GDE1: variants seen among roughly 807,000 people sequenced by gnomAD.
The protein encoded by GDE1 is glycerophosphodiester phosphodiesterase 1.
A neutral mutation model predicts 32.2 loss-of-function variants in GDE1; 24 were observed. The ratio of observed to expected loss-of-function variants is 0.75; its 90% CI spans 0.54 to 1.05. The LOEUF is 1.05. GDE1 is among the 50% of genes least tolerant of loss of function. GDE1 has a pLI of 0.00. For synonymous variants in GDE1, 159 were observed against 158.6 expected, an observed-to-expected ratio of 1.00 and a Z score of -0.02; for missense variants, 380 against 415.0, an observed-to-expected ratio of 0.92 and a Z score of 0.73.
At chr16:19,509,956 T>A (rs1484027825) in intron 3 of GDE1, among the ~76,000 whole-genome samples, 1 of 152,070 alleles carries the variant, frequency 6.6e-6, no homozygotes, top group Non-Finnish European at 1.5e-5. Context: ...CGGCCCATTT[T>A]GGGTTTTAAC....
At chr16:19,514,085 T>G (rs1969351547) in intron 2 of GDE1, among the ~76,000 whole-genome samples, 1 of 133,202 alleles carries the variant, frequency 7.5e-6, no homozygotes, top group Non-Finnish European at 1.5e-5. Flanking sequence ...TTTCTGTTTT[T>G]TGTTTTGTTT....
rs1385620252 is a variant in GDE1, at chr16:19,502,543, A to G, written c.*927T>C. The G allele has an allele frequency of 6.6e-6, 1 of 151,756 alleles. No individual in the cohort carries two copies. The highest frequency in any genetic ancestry group is 1.5e-5 in the Non-Finnish European group (1 of 67,964). 9.4% of individuals were successfully genotyped at this position (151,756 alleles called of 1,614,324 possible). On this transcript the variant is annotated 3_prime_UTR_variant, in exon 6 of 6. Transcript: ENST00000353258. The stretch of plus-strand genomic sequence containing the variant: ...GCTGGGAATACAGGCATGCACCACC[A>G]TGCCTAATTTTTTAGAGATGGGGTC...
chr16:19,508,911 T>C (rs890237535), intron 3 of GDE1, among the ~76,000 whole-genome samples: 1 of 152,256 alleles, frequency 6.6e-6, no homozygotes, highest in African/African-American at 2.4e-5. Flanking sequence ...TAGGTCACTA[T>C]GTTCTACCCA....
chr16:19,521,828 C>A lies in GDE1; in HGVS notation c.137G>T (p.Ser46Ile), dbSNP rs764988589. Residue 46 changes from serine to isoleucine, a missense_variant, in exon 1 of 6, where the codon AGC (serine) becomes ATC (isoleucine). Physicochemically the swap from Ser to Ile is moderately radical, Grantham distance 142. Coordinates refer to ENST00000353258, the MANE Select transcript of GDE1 (RefSeq NM_016641.4). ...CCTGCAAGAGGGCACCGGCTCAAAG[C>A]TGAAGACGCGCAGTAGAACGAAGAG... ...GSLFVLLRVF[S>I]FEPVPSCRAL... is the part of the protein sequence containing the mutation. The A allele has an allele frequency of 6.2e-7, 1 of 1,610,912 alleles. No individual in the cohort carries two copies. Among genetic ancestry groups the A allele is most frequent in the South Asian group, 1.1e-5 (1 of 90,460 alleles).
intron 4 of GDE1, among the ~76,000 whole-genome samples, chr16:19,505,532 A>T (rs1969235683): frequency 6.6e-6 from 1 of 151,952 alleles, no homozygotes; most frequent in Non-Finnish European, 1.5e-5. Context: ...TGTAGGGGTG[A>T]GGAGGGGGAT....
intron 4 of GDE1, among the ~76,000 whole-genome samples, chr16:19,507,070 T>G (rs887395940): frequency 1.3e-5 from 2 of 151,792 alleles, no homozygotes. Flanking sequence ...GCCTGGAAGG[T>G]CAAGAGTGCA....
chr16:19,507,641 C>A, intron 4 of GDE1, 46 bp downstream of exon 4: 1 of 951,094 alleles, frequency 1.1e-6, no homozygotes, highest in South Asian at 1.3e-5. Flanking sequence ...TTGCAATTAT[C>A]TACACCAGCT....
intron 1 of GDE1, among the ~76,000 whole-genome samples, chr16:19,520,998 T>C (rs1969446419): frequency 1.3e-5 from 2 of 152,116 alleles, no homozygotes; most frequent in African/African-American, 4.8e-5. Flanking sequence ...GAAAAGGTGA[T>C]AAGGAAATGA....
At chr16:19,513,769 T>C (rs545142262) in intron 2 of GDE1, among the ~76,000 whole-genome samples, 1 of 152,356 alleles carries the variant, frequency 6.6e-6, no homozygotes, top group Admixed American at 6.5e-5. Flanking sequence ...CTAAATGTAA[T>C]CATAAACTTC....
chr16:19,516,963 C>T, intron 2 of GDE1, 51 bp downstream of exon 2: 1 of 1,514,150 alleles, frequency 6.6e-7, no homozygotes, highest in Non-Finnish European at 9.1e-7. Context: ...CAGTGTCTGT[C>T]ATTTCCAATA....
In GDE1 at chr16:19,503,239, G is replaced by A. The variant is rs186701458; in HGVS notation, c.*231C>T. 9.6e-6 allele frequency: 5 copies of A among 518,728 alleles called. No individual in the cohort carries two copies. The highest frequency in any genetic ancestry group is 6.1e-5 in the East Asian group (2 of 32,912). 32.1% of individuals were successfully genotyped at this position (518,728 alleles called of 1,614,324 possible). ...TAGGGCAGGGCAGGGGCTCTTGTGCGTTTTTTCAGACCCAGATTTTCAAGA... is the reference window on the plus strand; with the variant it reads ...TAGGGCAGGGCAGGGGCTCTTGTGCATTTTTTCAGACCCAGATTTTCAAGA... On this transcript the variant is annotated 3_prime_UTR_variant, in exon 6 of 6. Transcript: ENST00000353258.
intron 1 of GDE1, among the ~76,000 whole-genome samples, chr16:19,518,260 A>G (rs1230964258): frequency 6.6e-6 from 1 of 152,200 alleles, no homozygotes; most frequent in Non-Finnish European, 1.5e-5. Flanking sequence ...AGTAAAAAAG[A>G]TTTAACATAT....
rs369215008 is a variant in GDE1, at chr16:19,504,740, C to T, written c.848+141G>A. ...GCCTGAACTCTTCCCACCTAAGAAG[C>T]GAAATTGGTAATCCAATTTAGAGGT... On this transcript the variant is annotated intron_variant, in intron 5 of 5. Coordinates refer to ENST00000353258, the MANE Select transcript of GDE1 (RefSeq NM_016641.4). 4.9e-4 allele frequency: 298 copies of T among 613,470 alleles called. 4 individuals are homozygous for T. The highest frequency in any genetic ancestry group is 3.6e-3 in the East Asian group (129 of 36,064). The allele number at this position is 613,470 out of a possible 1,614,324, so 38.0% of individuals were successfully genotyped here.
intron 4 of GDE1, among the ~76,000 whole-genome samples, chr16:19,506,277 G>A (rs1489653460): frequency 1.3e-5 from 2 of 150,596 alleles, no homozygotes; most frequent in Non-Finnish European, 2.9e-5. Context: ...GGTTTCTTCA[G>A]TAAATACAAA....
chr16:19,517,790 G>A (rs527377983), intron 1 of GDE1, among the ~76,000 whole-genome samples: 29 of 152,210 alleles, frequency 1.9e-4, no homozygotes, highest in South Asian at 8.3e-4. Flanking sequence ...TAAATTACAC[G>A]AGCCATGCTC....
chr16:19,519,473 T>TAC lies in GDE1; in HGVS notation c.261+2229_261+2230dup, dbSNP rs1555488426. Among the ~76,000 whole-genome samples, 5 of 146,144 alleles carry TAC rather than the reference T, an allele frequency of 3.4e-5. No individual in the cohort carries two copies. The East Asian group carries it at 6.0e-4, about 18-fold the overall frequency. On this transcript the variant is annotated intron_variant, in intron 1 of 5. Coordinates refer to ENST00000353258, the MANE Select transcript of GDE1 (RefSeq NM_016641.4). ...GCATATATATATATATATATATATA[T>TAC]ACATACACAATACTTAATAGATTAC...
intron 4 of GDE1, among the ~76,000 whole-genome samples, chr16:19,506,230 A>T (rs1472030730): frequency 1.3e-5 from 2 of 148,420 alleles, no homozygotes; most frequent in African/African-American, 4.9e-5. Flanking sequence ...TAATCAGCAA[A>T]ATTTGGACTT....
At chr16:19,503,751 T>C (rs1969209374) in intron 5 of GDE1, 134 bp from the exon 6 acceptor site, 1 of 696,610 alleles carries the variant, frequency 1.4e-6, no homozygotes, top group Non-Finnish European at 2.5e-6. Flanking sequence ...CTCTGCACTG[T>C]GATCAGAGGG....
intron 3 of GDE1, among the ~76,000 whole-genome samples, chr16:19,507,982 G>A (rs1250715766): frequency 2.0e-5 from 3 of 152,174 alleles, no homozygotes; most frequent in Non-Finnish European, 2.9e-5. Context: ...GGAAGAAGGT[G>A]GAGTACTGCT....
Sources: gnomAD v4.1 joint callset for allele counts (sites outside exome capture counted in the v4.1 genomes callset) on GRCh38, gnomAD v4.1.1 for gene constraint, MANE v1.5 for transcripts, NCBI Gene and HGNC (gene_info 2026-07-23, HGNC 2026-07-21) for gene names.